Variants in SRGAP2C observed in about 807,000 individuals in gnomAD.
SRGAP2C encodes SLIT-ROBO Rho GTPase activating protein 2C.
SRGAP2C carries 15 observed loss-of-function variants against 25.1 expected under a neutral mutation model. That is an observed-to-expected ratio of 0.60 (90% confidence interval 0.40 to 0.92). The LOEUF (loss-of-function observed/expected upper bound fraction) is 0.92, where lower values mean the gene tolerates loss of function less well. SRGAP2C is among the 40% of genes least tolerant of loss of function. The pLI, the probability that SRGAP2C is intolerant of heterozygous loss-of-function variation, is 0.00. For synonymous variants in SRGAP2C, 44 were observed against 96.6 expected (o/e 0.46, Z 3.19); for missense variants, 144 against 264.4 (o/e 0.54, Z 3.16).
intron 2 of SRGAP2C, among the ~76,000 whole-genome samples, chr1:121,189,076 G>C (rs1247426771): frequency 1.2e-5 from 1 of 83,728 alleles, no homozygotes; most frequent in Non-Finnish European, 2.2e-5. Context: ...AATCCCCCCT[G>C]CAGTTTTAAC....
chr1:121,369,604 G>A (rs2101656438), intron 5 of SRGAP2C, among the ~76,000 whole-genome samples: 1 of 149,492 alleles, frequency 6.7e-6, no homozygotes, highest in East Asian at 2.0e-4. Flanking sequence ...GCACTTAATA[G>A]TCCCTCAACT....
chr1:121,365,513 C>T lies in SRGAP2C; in HGVS notation c.486+158C>T, dbSNP rs1553349344. On this transcript the variant is annotated intron_variant, in intron 5 of 9. Coordinates refer to ENST00000367123, the MANE Select transcript of SRGAP2C (RefSeq NM_001329984.2). ...CCCCACCCATCTCTTTTTTCACACT[C>T]GTCTTTTCAAAACGGAATGAGTCAA... 2.4e-3 allele frequency among the ~76,000 whole-genome samples: 203 copies of T among 85,154 alleles called. 73 individuals are homozygous for T. The highest frequency in any genetic ancestry group is 3.5e-3 in the Non-Finnish European group (146 of 41,992). The allele number at this position is 85,154 out of a possible 152,430, so 55.9% of individuals were successfully genotyped here. A position where few individuals can be genotyped will look rare whatever the true frequency, so the allele number is the denominator to read the frequency against.
At chr1:121,212,495 A>G (rs1235935654) in intron 2 of SRGAP2C, among the ~76,000 whole-genome samples, 2 of 151,602 alleles carry the variant, frequency 1.3e-5, no homozygotes, top group African/African-American at 4.9e-5. Flanking sequence ...CAGTGGCAGT[A>G]TTGTATGGGG....
Position 121,324,549 on chromosome 1 carries a change from G to A in SRGAP2C, c.332G>A (p.Arg111Lys). 4.3e-6 allele frequency: 7 copies of A among 1,612,764 alleles called. No individual in the cohort carries two copies. Among genetic ancestry groups the A allele is most frequent in the South Asian group, 1.1e-5 (1 of 91,044 alleles). ...LLLNQVKWES[R>K]DHTTLSDIYL... ...TTAAACCAGGTGAAGTGGGAAAGCA[G>A]GGACCATACCACCCTGAGTGACATC... The change falls in exon 4 of 10, where the codon AGG becomes AAG. Residue 111 changes from arginine (R) to lysine (K), a missense_variant. Arg to Lys is a conservative substitution (Grantham distance 26). This residue lies in a region of SRGAP2C where 61 missense variants were observed against 61.7 expected (regional missense o/e 0.99). Coordinates refer to ENST00000367123, the MANE Select transcript of SRGAP2C (RefSeq NM_001329984.2).
intron 7 of SRGAP2C, among the ~76,000 whole-genome samples, chr1:121,375,426 C>A (rs1659618585): frequency 6.8e-6 from 1 of 147,490 alleles, no homozygotes; most frequent in African/African-American, 2.5e-5. Context: ...CAGGTTCAAG[C>A]AATTGTCCTA....
chr1:121,365,922 C>G (rs587693001), intron 5 of SRGAP2C, among the ~76,000 whole-genome samples: 2 of 146,236 alleles, frequency 1.4e-5, no homozygotes, highest in Non-Finnish European at 3.0e-5. Context: ...AGGCAGGCTG[C>G]GGGCTTGAAG....
chr1:121,289,299 T>G (rs1244786541), intron 3 of SRGAP2C, among the ~76,000 whole-genome samples: 83,128 of 130,032 alleles, frequency 0.64, 27,271 homozygotes, highest in East Asian at 0.77. Context: ...GCGCCGATGG[T>G]CCGGCACTGC....
intron 4 of SRGAP2C, among the ~76,000 whole-genome samples, chr1:121,335,283 G>A (rs1461252332): frequency 0.016 from 2,145 of 133,738 alleles, no homozygotes; most frequent in African/African-American, 0.051. Flanking sequence ...GGAGTTTGCA[G>A]TGAGCTGAGA....
intron 2 of SRGAP2C, among the ~76,000 whole-genome samples, chr1:121,218,937 G>A (rs1655464523): frequency 6.6e-6 from 1 of 151,750 alleles, no homozygotes; most frequent in South Asian, 2.1e-4. Context: ...AGAAATGAAG[G>A]GCAGAATTCT....
At chr1:121,195,297 C>T (rs1162153266) in intron 2 of SRGAP2C, among the ~76,000 whole-genome samples, 5 of 151,862 alleles carry the variant, frequency 3.3e-5, no homozygotes, top group African/African-American at 1.2e-4. Context: ...GTAATCCCAG[C>T]TACTCAGGAG....
chr1:121,239,178 CTATATATATATATATATATATATATATA>C (rs1213775206), intron 2 of SRGAP2C, among the ~76,000 whole-genome samples: 1 of 6,056 alleles, frequency 1.7e-4, no homozygotes, highest in African/African-American at 7.0e-4. Flanking sequence ...GGAAAGCAGA[CTATATATATATATATATATATATATATA>C]TATATATATA....
chr1:121,275,027 G>A (rs116687708), intron 2 of SRGAP2C, among the ~76,000 whole-genome samples: 362 of 136,516 alleles, frequency 2.7e-3, no homozygotes, highest in African/African-American at 7.3e-3. Context: ...CATCCCCCTC[G>A]CTTCTGTTTA....
intron 2 of SRGAP2C, among the ~76,000 whole-genome samples, chr1:121,267,976 C>T (rs1299564798): frequency 1.3e-5 from 2 of 150,620 alleles, no homozygotes; most frequent in African/African-American, 2.4e-5. Context: ...ATCCCATCAC[C>T]CAAAAAACAG....
rs200176454 is a variant in SRGAP2C, at chr1:121,222,570, G to T, written c.67+35057G>T. 2.0e-5 allele frequency among the ~76,000 whole-genome samples: 3 copies of T among 152,214 alleles called. No individual in the cohort carries two copies. The South Asian group carries it at 6.2e-4, about 32-fold the overall frequency. ...CCTAAGCCCGGAAGGTCGAGGCTAC[G>T]GTGCTGTAATCATGCCTCTACACTC... On this transcript the variant is annotated intron_variant, in intron 2 of 9. Transcript: ENST00000367123.
chr1:121,355,555 C>G (rs1337440862), intron 4 of SRGAP2C, among the ~76,000 whole-genome samples: 2 of 132,638 alleles, frequency 1.5e-5, no homozygotes, highest in African/African-American at 5.8e-5. Flanking sequence ...GTGATCCGCC[C>G]GCCTCGGCCT....
rs1658281670 is a variant in SRGAP2C, at chr1:121,324,649, A to G, written c.423+9A>G. 8.6e-7 allele frequency: 1 copy of G among 1,157,808 alleles called. No homozygotes were observed. Among genetic ancestry groups the G allele is most frequent in the Non-Finnish European group, 1.3e-6 (1 of 774,906 alleles). The allele number at this position is 1,157,808 out of a possible 1,614,324, so 71.7% of individuals were successfully genotyped here. ...GAAGACTCTTTAAAAAGGTACAGAG[A>G]TATTTCTAGTCACAGAGGTTCTTGG... On this transcript the variant is annotated intron_variant, in intron 4 of 9. Transcript: ENST00000367123.
At chr1:121,304,168 G>A (rs1177916938) in intron 3 of SRGAP2C, among the ~76,000 whole-genome samples, 1 of 139,636 alleles carries the variant, frequency 7.2e-6, no homozygotes, top group Non-Finnish European at 1.5e-5. Context: ...CCGAGATCGT[G>A]CCACTGCACT....
chr1:121,307,304 A>T (rs1438358761), intron 3 of SRGAP2C, among the ~76,000 whole-genome samples: 4 of 151,388 alleles, frequency 2.6e-5, no homozygotes, highest in Admixed American at 1.3e-4. Context: ...TGCCTACTTA[A>T]TTTTTTGAGA....
At chr1:121,263,674 T>C (rs1321026129) in intron 2 of SRGAP2C, among the ~76,000 whole-genome samples, 32 of 151,836 alleles carry the variant, frequency 2.1e-4, no homozygotes, top group East Asian at 1.9e-4. Flanking sequence ...TAGAACCAGA[T>C]TGAATCAAAT....
Sources: allele counts gnomAD v4.1 joint callset (sites outside exome capture counted in the v4.1 genomes callset), GRCh38; gene constraint gnomAD v4.1.1; regional missense constraint gnomAD v4.1.1; transcripts MANE v1.5; gene names NCBI Gene and HGNC (gene_info 2026-07-23, HGNC 2026-07-21).